HMBOX1: variants seen among roughly 807,000 people sequenced by gnomAD.
The protein encoded by HMBOX1 is homeobox-containing protein 1.
HMBOX1 carries 14 observed loss-of-function variants against 54.5 expected under a neutral mutation model. The observed-to-expected ratio is 0.26, with a 90% CI of 0.17 to 0.40. The LOEUF (loss-of-function observed/expected upper bound fraction) is 0.40. Ranked by LOEUF, HMBOX1 falls within the 10% of genes least tolerant of loss-of-function variation. The pLI, the probability that HMBOX1 is intolerant of heterozygous loss-of-function variation, is 1.00. For synonymous variants in HMBOX1, 160 were observed against 181.0 expected, an observed-to-expected ratio of 0.88 and a Z score of 0.93; for missense variants, 332 against 514.4, an observed-to-expected ratio of 0.65 and a Z score of 3.43.
At chr8:28,953,120 C>T (rs1586050041) in intron 1 of HMBOX1, among the ~76,000 whole-genome samples, 1 of 152,156 alleles carries the variant, frequency 6.6e-6, no homozygotes, top group East Asian at 1.9e-4. Flanking sequence ...AGTGTCTGAC[C>T]CAAAGAAGTG....
intron 1 of HMBOX1, among the ~76,000 whole-genome samples, chr8:28,935,043 G>C (rs928182923): frequency 6.6e-6 from 1 of 152,046 alleles, no homozygotes; most frequent in Non-Finnish European, 1.5e-5. Context: ...ATCAAAAAAT[G>C]AAATACTTAA....
chr8:28,954,944 C>T (rs1382030927), intron 1 of HMBOX1, among the ~76,000 whole-genome samples: 6 of 152,040 alleles, frequency 3.9e-5, no homozygotes, highest in African/African-American at 1.4e-4. Context: ...GCCATCTTGC[C>T]ACCTTCTGGC....
chr8:28,953,231 CTATGG>C (rs975089476), intron 1 of HMBOX1, among the ~76,000 whole-genome samples: 4 of 152,150 alleles, frequency 2.6e-5, no homozygotes, highest in African/African-American at 9.7e-5. Context: ...ATTCCTGTTT[CTATGG>C]TATGTGTTTT....
rs547186230 is a variant in HMBOX1, at chr8:28,916,148, T to A, written c.-58+25470T>A. Among the ~76,000 whole-genome samples, 24 of 152,306 alleles carry A rather than the reference T, an allele frequency of 1.6e-4. No homozygotes were observed. In the South Asian group the frequency reaches 5.0e-3, roughly 32 times the overall value. ...CCACTGCAGTCAGCAGATTTATGTG[T>A]TTTCTTGTTCATATCTTTAAGAAAG... On this transcript the variant is annotated intron_variant, in intron 1 of 9. Transcript: ENST00000287701.
rs79080505 is a variant in HMBOX1, at chr8:28,914,450, A to T, written c.-58+23772A>T. ...AATTTAACATACTAATTAAACACTT[A>T]AAAAAATCGCCTCATCAGAATCATC... On this transcript the variant is annotated intron_variant, in intron 1 of 9. Transcript: ENST00000287701. Among the ~76,000 whole-genome samples the T allele has an allele frequency of 6.6e-3, 1,010 of 152,322 alleles. 12 individuals carry two copies. Among genetic ancestry groups the T allele is most frequent in the East Asian group, 0.053 (274 of 5,186 alleles).
chr8:29,026,822 C>T (rs902531338), intron 6 of HMBOX1, among the ~76,000 whole-genome samples: 2 of 152,106 alleles, frequency 1.3e-5, no homozygotes, highest in Admixed American at 1.3e-4. Flanking sequence ...ACTTGGGCTT[C>T]GTTAACTCTA....
At chr8:28,904,531 C>T (rs1813883438) in intron 1 of HMBOX1, among the ~76,000 whole-genome samples, 1 of 151,666 alleles carries the variant, frequency 6.6e-6, no homozygotes, top group African/African-American at 2.4e-5. Context: ...GTGCCCAGCC[C>T]ATTTCTCCCA....
At chr8:28,938,280 G>T (rs1407702926) in intron 1 of HMBOX1, among the ~76,000 whole-genome samples, 3 of 152,164 alleles carry the variant, frequency 2.0e-5, no homozygotes, top group African/African-American at 7.2e-5. Flanking sequence ...AATAGAATTT[G>T]TTGTGAGTAT....
At chr8:29,021,815 G>A (rs1361872394) in intron 6 of HMBOX1, among the ~76,000 whole-genome samples, 1 of 149,346 alleles carries the variant, frequency 6.7e-6, no homozygotes, top group Admixed American at 6.7e-5. Context: ...AGCCGAGATC[G>A]TGCCACTGCA....
chr8:28,978,281 A>G (rs1228174678), intron 3 of HMBOX1, among the ~76,000 whole-genome samples: 8 of 152,172 alleles, frequency 5.3e-5, no homozygotes, highest in South Asian at 2.1e-4. Flanking sequence ...ATCACAACTC[A>G]TTGTTTTTGA....
At chr8:28,985,567 T>C (rs553395386) in intron 4 of HMBOX1, among the ~76,000 whole-genome samples, 11 of 152,194 alleles carry the variant, frequency 7.2e-5, no homozygotes, top group Non-Finnish European at 1.6e-4. Context: ...GTGATTCTCA[T>C]TCCCAAAACA....
chr8:28,964,266 G>A (rs978436448), intron 2 of HMBOX1, among the ~76,000 whole-genome samples: 3 of 151,992 alleles, frequency 2.0e-5, no homozygotes, highest in Non-Finnish European at 4.4e-5. Flanking sequence ...CAGACTACTG[G>A]AAGCATACAT....
intron 1 of HMBOX1, among the ~76,000 whole-genome samples, chr8:28,914,501 G>T (rs1816142418): frequency 6.6e-6 from 1 of 152,078 alleles, no homozygotes; most frequent in African/African-American, 2.4e-5. Flanking sequence ...CTGTGGACAG[G>T]CACTGTTTTG....
intron 3 of HMBOX1, among the ~76,000 whole-genome samples, chr8:28,972,136 A>G (rs1293182153): frequency 6.6e-6 from 1 of 152,246 alleles, no homozygotes; most frequent in Non-Finnish European, 1.5e-5. Context: ...GATTCCAGAT[A>G]CAGTATAAAT....
At chr8:28,952,581 A>G (rs997707775) in intron 1 of HMBOX1, among the ~76,000 whole-genome samples, 2 of 152,154 alleles carry the variant, frequency 1.3e-5, no homozygotes, top group African/African-American at 4.8e-5. Flanking sequence ...GATTATGCTG[A>G]TTTTTAAAAA....
chr8:28,930,897 T>G (rs1419570295), intron 1 of HMBOX1, among the ~76,000 whole-genome samples: 1 of 152,210 alleles, frequency 6.6e-6, no homozygotes, highest in Non-Finnish European at 1.5e-5. Flanking sequence ...ACATTTAGAT[T>G]GTGAAACTTT....
At chr8:29,047,315 TCC>T in intron 7 of HMBOX1, 41 bp from the exon 8 acceptor site, 1 of 1,129,964 alleles carries the variant, frequency 8.8e-7, no homozygotes. Flanking sequence ...TATTCTTGGA[TCC>T]CAGATATAGA....
intron 4 of HMBOX1, among the ~76,000 whole-genome samples, chr8:28,988,085 G>T (rs1406349112): frequency 1.3e-5 from 2 of 152,086 alleles, no homozygotes; most frequent in East Asian, 3.8e-4. Context: ...GTCAAATATT[G>T]TTCTCCCACC....
intron 4 of HMBOX1, among the ~76,000 whole-genome samples, chr8:28,987,844 G>C (rs570457273): frequency 7.9e-5 from 12 of 152,252 alleles, no homozygotes; most frequent in African/African-American, 2.2e-4. Flanking sequence ...ATGTCAGACT[G>C]TGTCAACTTC....
Sources: gnomAD v4.1 joint callset for allele counts (sites outside exome capture counted in the v4.1 genomes callset) on GRCh38, gnomAD v4.1.1 for gene constraint, MANE v1.5 for transcripts, NCBI Gene and HGNC (gene_info 2026-07-23, HGNC 2026-07-21) for gene names.